Variants in RBM6 observed in about 807,000 individuals in gnomAD.
The protein encoded by RBM6 is RNA binding motif protein 6.
In RBM6, 23 loss-of-function variants were observed where a neutral mutation model predicts 140.4. The ratio of observed to expected loss-of-function variants is 0.16; its 90% CI spans 0.12 to 0.23. The LOEUF is 0.23. RBM6 is among the 10% of genes least tolerant of loss of function. The pLI is 1.00. For missense variants in RBM6, 1,139 were observed against 1,386.7 expected (o/e 0.82, Z 2.84); for synonymous variants, 439 against 475.6 (o/e 0.92, Z 1.00).
chr3:50,019,140 A>G (rs774724542), intron 6 of RBM6, among the ~76,000 whole-genome samples: 8 of 151,576 alleles, frequency 5.3e-5, no homozygotes, highest in Non-Finnish European at 8.8e-5. Context: ...GGTTCAAGTT[A>G]TTCTCCTGCC....
At chr3:49,956,627 T>C (rs1468374515) in intron 1 of RBM6, among the ~76,000 whole-genome samples, 1 of 150,516 alleles carries the variant, frequency 6.6e-6, no homozygotes, top group Admixed American at 6.6e-5. Flanking sequence ...CCATCACGCC[T>C]GGCCCACGCT....
At chr3:49,992,277 G>C (rs1214420435) in intron 5 of RBM6, among the ~76,000 whole-genome samples, 1 of 152,104 alleles carries the variant, frequency 6.6e-6, no homozygotes, top group Non-Finnish European at 1.5e-5. Flanking sequence ...ACAGTGTTGA[G>C]TTGCCCTTTA....
At chr3:49,942,031 G>T (rs1331842716) in intron 1 of RBM6, among the ~76,000 whole-genome samples, 3 of 151,128 alleles carry the variant, frequency 2.0e-5, no homozygotes. Flanking sequence ...AGCCGGGGAG[G>T]TAGAGGTTGT....
chr3:50,043,589 C>T (rs2089052767), intron 6 of RBM6, among the ~76,000 whole-genome samples: 1 of 151,610 alleles, frequency 6.6e-6, no homozygotes, highest in African/African-American at 2.4e-5. Context: ...TATATGGCCC[C>T]TCTTTTTTTA....
At chr3:49,978,458 A>G (rs1421112251) in intron 5 of RBM6, among the ~76,000 whole-genome samples, 1 of 152,176 alleles carries the variant, frequency 6.6e-6, no homozygotes, top group Non-Finnish European at 1.5e-5. Context: ...TCTATAACAC[A>G]GGAGAGAAGA....
chr3:50,051,198 G>A (rs2089452253), intron 7 of RBM6, among the ~76,000 whole-genome samples: 1 of 151,994 alleles, frequency 6.6e-6, no homozygotes, highest in African/African-American at 2.4e-5. Flanking sequence ...AATTTAACTG[G>A]GTGTGGTGGT....
At chr3:50,061,363 A>G (rs941768617) in intron 13 of RBM6, 99 bp from the exon 14 acceptor site, 9 of 1,579,848 alleles carry the variant, frequency 5.7e-6, no homozygotes, top group East Asian at 2.2e-5. Context: ...AGATGCACCT[A>G]TTTGTGTTGG....
chr3:50,031,752 A>G (rs1373590917), intron 6 of RBM6, among the ~76,000 whole-genome samples: 1 of 152,186 alleles, frequency 6.6e-6, no homozygotes. Flanking sequence ...ACTATTTGAT[A>G]CCACAATAGG....
At chr3:50,060,841 T>G (rs1170829828) in intron 11 of RBM6, 115 bp from the exon 12 acceptor site, 3 of 1,153,014 alleles carry the variant, frequency 2.6e-6, no homozygotes, top group African/African-American at 3.1e-5. Flanking sequence ...TCTAGGTTGG[T>G]TCCTTTCCCT....
chr3:50,065,237 C>A, intron 16 of RBM6, 111 bp downstream of exon 16: 1 of 755,118 alleles, frequency 1.3e-6, no homozygotes, highest in East Asian at 2.5e-5. Context: ...TTTTACCTCA[C>A]TATGTCTCCC....
chr3:50,060,767 A>AG, intron 11 of RBM6, 189 bp from the exon 12 acceptor site: 1 of 393,962 alleles, frequency 2.5e-6, no homozygotes, highest in Non-Finnish European at 4.4e-6. Context: ...AAAAAAAAAA[A>AG]AAAAAAAAAG....
At chr3:50,043,117 T>G (rs1046941721) in intron 6 of RBM6, among the ~76,000 whole-genome samples, 1 of 152,328 alleles carries the variant, frequency 6.6e-6, no homozygotes, top group African/African-American at 2.4e-5. Flanking sequence ...TTTTAGCAGG[T>G]TTTAGTCTAA....
Position 50,061,235 on chromosome 3 carries a change from G to T in RBM6, c.2353+14G>T, listed in dbSNP as rs2089927845. The T allele has an allele frequency of 1.2e-6, 2 of 1,613,318 alleles. No individual in the cohort carries two copies. Among genetic ancestry groups the T allele is most frequent in the East Asian group, 4.5e-5 (2 of 44,866 alleles). ...AAGGACAACAGTGTAAGTAACCTTT[G>T]TTTTATTTCTGTTGCTCTTTTTTGC... On this transcript the variant is annotated intron_variant, in intron 13 of 20. Coordinates refer to ENST00000266022, the MANE Select transcript of RBM6 (RefSeq NM_005777.3).
intron 6 of RBM6, among the ~76,000 whole-genome samples, chr3:50,006,363 T>A (rs1356788750): frequency 6.6e-6 from 1 of 151,964 alleles, no homozygotes; most frequent in African/African-American, 2.4e-5. Context: ...CTTGAACTCC[T>A]CACCTCAGGT....
At chr3:50,015,789 G>A (rs1372155671) in intron 6 of RBM6, among the ~76,000 whole-genome samples, 3 of 152,156 alleles carry the variant, frequency 2.0e-5, no homozygotes, top group Non-Finnish European at 4.4e-5. Flanking sequence ...CCCATGTTAT[G>A]ATACATGTGC....
chr3:50,065,821 C>T (rs1314092992), intron 16 of RBM6, among the ~76,000 whole-genome samples: 2 of 152,178 alleles, frequency 1.3e-5, no homozygotes, highest in Non-Finnish European at 2.9e-5. Flanking sequence ...ATCTGTCTAC[C>T]CAAGTGCCTA....
At chr3:50,003,037 A>T (rs1362342065) in intron 6 of RBM6, among the ~76,000 whole-genome samples, 2 of 151,970 alleles carry the variant, frequency 1.3e-5, no homozygotes, top group Non-Finnish European at 2.9e-5. Context: ...AATTGCTTGA[A>T]CCCAGGAGGT....
intron 20 of RBM6, 121 bp downstream of exon 20, chr3:50,075,451 C>A: frequency 1.5e-6 from 2 of 1,337,636 alleles, no homozygotes; most frequent in Non-Finnish European, 2.1e-6. Flanking sequence ...TGGGATAGGA[C>A]ATGAGAGTTG....
intron 7 of RBM6, among the ~76,000 whole-genome samples, chr3:50,051,532 T>C (rs1317713130): frequency 6.6e-6 from 1 of 152,164 alleles, no homozygotes; most frequent in African/African-American, 2.4e-5. Flanking sequence ...TCCCAGCTAC[T>C]TGGGAGGCCG....
Sources: allele counts gnomAD v4.1 joint callset (sites outside exome capture counted in the v4.1 genomes callset), GRCh38; gene constraint gnomAD v4.1.1; transcripts MANE v1.5; gene names NCBI Gene and HGNC (gene_info 2026-07-23, HGNC 2026-07-21).